Variants in VRK2 observed in about 807,000 individuals in gnomAD.
The protein encoded by VRK2 is VRK serine/threonine kinase 2, also known as serine/threonine-protein kinase VRK2.
VRK2 carries 60 observed loss-of-function variants against 57.6 expected under a neutral mutation model. The ratio of observed to expected loss-of-function variants is 1.04; its 90% CI spans 0.85 to 1.29. The LOEUF is 1.29. VRK2 is among the 50% of genes most tolerant of loss of function. VRK2 has a pLI of 0.00. For synonymous variants in VRK2, 231 were observed against 199.2 expected (o/e 1.16, Z -1.35); for missense variants, 705 against 588.1 (o/e 1.20, Z -2.06).
intron 7 of VRK2, among the ~76,000 whole-genome samples, chr2:58,101,598 T>G (rs538849367): frequency 6.6e-6 from 1 of 151,824 alleles, no homozygotes; most frequent in African/African-American, 2.4e-5. Context: ...GTGACTTTTT[T>G]TAGTGGACTT....
chr2:57,955,020 T>A (rs1433701862), intron 1 of VRK2, among the ~76,000 whole-genome samples: 2 of 152,184 alleles, frequency 1.3e-5, no homozygotes, highest in African/African-American at 4.8e-5. Context: ...ATGTTTATGA[T>A]ATATTTACCA....
At chr2:58,001,337 A>G (rs1377143612) in intron 1 of VRK2, among the ~76,000 whole-genome samples, 1 of 152,192 alleles carries the variant, frequency 6.6e-6, no homozygotes, top group African/African-American at 2.4e-5. Flanking sequence ...ATGAAAGAAG[A>G]ATGTTTAACT....
intron 1 of VRK2, among the ~76,000 whole-genome samples, chr2:57,980,647 C>T (rs1045909057): frequency 1.3e-5 from 2 of 152,100 alleles, no homozygotes; most frequent in African/African-American, 4.8e-5. Context: ...GAAATTTCCA[C>T]TATTATTGTG....
At chr2:58,040,297 A>G (rs1026149745) in intron 3 of VRK2, among the ~76,000 whole-genome samples, 1 of 152,204 alleles carries the variant, frequency 6.6e-6, no homozygotes, top group African/African-American at 2.4e-5. Flanking sequence ...CTTCAGTGAG[A>G]TAACTCAATA....
chr2:57,978,731 T>G lies in VRK2; in HGVS notation c.-438-46934T>G, dbSNP rs371182536. On this transcript the variant is annotated intron_variant, in intron 1 of 15. Transcript: ENST00000417641. ...TTTTCTTTTTCAGCACATGCAGGTTTGTTTCATAGGTATACATGTGTCATG... is the reference window on the plus strand; with the variant it reads ...TTTTCTTTTTCAGCACATGCAGGTTGGTTTCATAGGTATACATGTGTCATG... 3.4e-4 allele frequency among the ~76,000 whole-genome samples: 51 copies of G among 150,402 alleles called. 1 individual carries two copies. The South Asian group carries it at 0.01, about 30-fold the overall frequency.
At chr2:58,122,966 C>G in intron 7 of VRK2, 135 bp from the exon 8 acceptor site, 2 of 1,107,806 alleles carry the variant, frequency 1.8e-6, no homozygotes, top group Non-Finnish European at 1.2e-6. Context: ...CATATTTTAT[C>G]CTAAGGCACC....
chr2:57,998,983 A>G (rs1249648955), intron 1 of VRK2, among the ~76,000 whole-genome samples: 1 of 152,096 alleles, frequency 6.6e-6, no homozygotes, highest in Non-Finnish European at 1.5e-5. Context: ...TCCAAAACCT[A>G]GAATTTTGTA....
intron 5 of VRK2, among the ~76,000 whole-genome samples, chr2:58,087,285 T>TA (rs1262907873): frequency 6.6e-6 from 1 of 152,122 alleles, no homozygotes; most frequent in Non-Finnish European, 1.5e-5. Context: ...GCTTTAAATT[T>TA]AAAAAAATGA....
At chr2:57,981,745 A>G (rs988818338) in intron 1 of VRK2, among the ~76,000 whole-genome samples, 9 of 152,098 alleles carry the variant, frequency 5.9e-5, no homozygotes, top group African/African-American at 1.9e-4. Flanking sequence ...CCAGAAGTTT[A>G]ATTTGGTTCT....
At chr2:58,020,296 C>G (rs920510953) in intron 1 of VRK2, among the ~76,000 whole-genome samples, 10 of 152,238 alleles carry the variant, frequency 6.6e-5, no homozygotes, top group South Asian at 2.1e-4. Context: ...ACTGCAGCCT[C>G]TTGGCCTCAA....
intron 1 of VRK2, among the ~76,000 whole-genome samples, chr2:58,014,984 C>T (rs1673532321): frequency 6.6e-6 from 1 of 152,060 alleles, no homozygotes; most frequent in South Asian, 2.1e-4. Context: ...AGATTTCTGA[C>T]CCTGAGAATT....
chr2:58,009,852 T>A (rs1673365284), intron 1 of VRK2, among the ~76,000 whole-genome samples: 1 of 152,142 alleles, frequency 6.6e-6, no homozygotes, highest in Admixed American at 6.5e-5. Flanking sequence ...CCATACTGTT[T>A]TTTTCTCCTA....
intron 1 of VRK2, among the ~76,000 whole-genome samples, chr2:57,962,303 G>A (rs935911182): frequency 5.9e-5 from 9 of 152,088 alleles, no homozygotes; most frequent in Non-Finnish European, 8.8e-5. Context: ...GAGACAATTC[G>A]TGGGCTAGGA....
intron 1 of VRK2, among the ~76,000 whole-genome samples, chr2:57,958,998 G>A (rs1017542582): frequency 1.3e-5 from 2 of 152,320 alleles, no homozygotes; most frequent in African/African-American, 4.8e-5. Context: ...CTGGATATGT[G>A]TAGCATATTA....
intron 7 of VRK2, among the ~76,000 whole-genome samples, chr2:58,100,560 A>G (rs1309063314): frequency 6.6e-6 from 1 of 151,830 alleles, no homozygotes; most frequent in Non-Finnish European, 1.5e-5. Context: ...CAGATAAGCA[A>G]AGAGACTTTG....
At chr2:58,108,149 C>T (rs1319121799) in intron 7 of VRK2, among the ~76,000 whole-genome samples, 1 of 152,128 alleles carries the variant, frequency 6.6e-6, no homozygotes, top group African/African-American at 2.4e-5. Flanking sequence ...TCTCCTTCCT[C>T]TTCTTACTCT....
intron 8 of VRK2, among the ~76,000 whole-genome samples, chr2:58,128,114 G>C (rs774420798): frequency 1.3e-4 from 20 of 152,128 alleles, no homozygotes; most frequent in Admixed American, 3.9e-4. Context: ...GAAAGAAATA[G>C]TTTCATGAAA....
intron 2 of VRK2, among the ~76,000 whole-genome samples, chr2:58,054,822 G>A (rs1676276983): frequency 1.3e-5 from 2 of 151,994 alleles, no homozygotes; most frequent in Admixed American, 6.5e-5. Flanking sequence ...TCCATCACAT[G>A]GACTGTTATT....
chr2:57,953,562 C>T (rs998063199), intron 1 of VRK2, among the ~76,000 whole-genome samples: 6 of 152,102 alleles, frequency 3.9e-5, no homozygotes, highest in South Asian at 2.1e-4. Context: ...CACTTTTCTG[C>T]TTATTAAGGT....
Sources: gnomAD v4.1 joint callset for allele counts (sites outside exome capture counted in the v4.1 genomes callset) on GRCh38, gnomAD v4.1.1 for gene constraint, MANE v1.5 for transcripts, NCBI Gene and HGNC (gene_info 2026-07-23, HGNC 2026-07-21) for gene names.